The following SMYD3 variants were observed in gnomAD, a reference collection of about 807,000 sequenced individuals.
SMYD3 encodes the protein SET and MYND domain containing 3.
SMYD3 carries 36 observed loss-of-function variants against 57.7 expected under a neutral mutation model. The observed-to-expected ratio is 0.62, with a 90% confidence interval of 0.48 to 0.82. The LOEUF (loss-of-function observed/expected upper bound fraction) is 0.82. Among genes scored for constraint, SMYD3 ranks in the 40% least tolerant of loss-of-function variants. SMYD3 has a pLI of 0.00. For missense variants in SMYD3, 515 were observed against 538.8 expected (o/e 0.96, Z 0.44); for synonymous variants, 211 against 195.0 (o/e 1.08, Z -0.68).
chr1:245,885,029 CG>C (rs1553350822), intron 8 of SMYD3, among the ~76,000 whole-genome samples: 22 of 152,166 alleles, frequency 1.4e-4, no homozygotes, highest in African/African-American at 3.1e-4. Context: ...ACACTCAATG[CG>C]AAGGTCTGCG....
intron 10 of SMYD3, among the ~76,000 whole-genome samples, chr1:245,818,891 A>G (rs1447612142): frequency 8.7e-5 from 12 of 137,486 alleles, no homozygotes; most frequent in African/African-American, 2.6e-4. Context: ...CAGATTCATA[A>G]AGCAAGTCCT....
intron 5 of SMYD3, among the ~76,000 whole-genome samples, chr1:246,184,508 G>C (rs1397898363): frequency 6.6e-6 from 1 of 152,190 alleles, no homozygotes; most frequent in Non-Finnish European, 1.5e-5. Flanking sequence ...GTGACTTCTT[G>C]CTTCTAACAA....
chr1:246,284,658 C>A (rs1191935397), intron 5 of SMYD3, among the ~76,000 whole-genome samples: 1 of 152,030 alleles, frequency 6.6e-6, no homozygotes, highest in Admixed American at 6.5e-5. Flanking sequence ...CCTCGTGATC[C>A]GCCCACCTCA....
intron 11 of SMYD3, among the ~76,000 whole-genome samples, chr1:245,750,554 A>C (rs1008540370): frequency 2.6e-5 from 4 of 152,230 alleles, no homozygotes; most frequent in African/African-American, 9.6e-5. Flanking sequence ...AGCCATTCTT[A>C]TGCTGTGTGC....
intron 5 of SMYD3, among the ~76,000 whole-genome samples, chr1:246,261,259 G>A (rs542636442): frequency 2.0e-4 from 30 of 150,982 alleles, no homozygotes; most frequent in Admixed American, 5.9e-4. Flanking sequence ...GGGTTTCACC[G>A]TGTTAGCCAG....
chr1:245,989,112 T>A (rs1228886583), intron 5 of SMYD3, among the ~76,000 whole-genome samples: 1 of 152,256 alleles, frequency 6.6e-6, no homozygotes, highest in Non-Finnish European at 1.5e-5. Flanking sequence ...TCTAACTTCA[T>A]GATTCCATGA....
At chr1:246,083,752 A>G (rs559024334) in intron 5 of SMYD3, among the ~76,000 whole-genome samples, 2 of 152,182 alleles carry the variant, frequency 1.3e-5, no homozygotes, top group Non-Finnish European at 2.9e-5. Flanking sequence ...CAGGTAAGTC[A>G]AAACTATGAG....
intron 5 of SMYD3, among the ~76,000 whole-genome samples, chr1:246,021,723 C>T (rs1199962005): frequency 6.6e-6 from 1 of 152,118 alleles, no homozygotes; most frequent in East Asian, 1.9e-4. Context: ...GCTTTCTCAG[C>T]AATACAGGCA....
chr1:245,940,599 AAGC>A (rs1395530528), intron 5 of SMYD3, among the ~76,000 whole-genome samples: 2 of 152,094 alleles, frequency 1.3e-5, no homozygotes, highest in Admixed American at 1.3e-4. Context: ...AAAAAACAGA[AAGC>A]ACCACTACCA....
At chr1:246,499,316 T>C (rs941914407) in intron 1 of SMYD3, among the ~76,000 whole-genome samples, 7 of 151,384 alleles carry the variant, frequency 4.6e-5, no homozygotes, top group South Asian at 4.2e-4. Context: ...AAAAAGAAAA[T>C]ATAGTTTGAT....
chr1:246,057,559 T>C (rs1226950496), intron 5 of SMYD3, among the ~76,000 whole-genome samples: 2 of 152,188 alleles, frequency 1.3e-5, no homozygotes, highest in African/African-American at 2.4e-5. Flanking sequence ...AAGATACCAC[T>C]ACGCACATAT....
chr1:246,100,058 T>C (rs1411230174), intron 5 of SMYD3, among the ~76,000 whole-genome samples: 1 of 152,152 alleles, frequency 6.6e-6, no homozygotes, highest in Non-Finnish European at 1.5e-5. Flanking sequence ...AATACATAGA[T>C]TGGGAAGACA....
intron 5 of SMYD3, among the ~76,000 whole-genome samples, chr1:245,956,253 T>C (rs1245060838): frequency 1.3e-5 from 2 of 152,182 alleles, no homozygotes; most frequent in African/African-American, 4.8e-5. Flanking sequence ...TACTAATGTA[T>C]ATGGCACATA....
At chr1:245,749,759 C>T in intron 11 of SMYD3, 95 bp from the exon 12 acceptor site, 1 of 897,592 alleles carries the variant, frequency 1.1e-6, no homozygotes. Flanking sequence ...GCCTGGTGAA[C>T]CCCACAGGTT....
At chr1:246,242,040 G>T (rs2063621893) in intron 5 of SMYD3, among the ~76,000 whole-genome samples, 1 of 151,842 alleles carries the variant, frequency 6.6e-6, no homozygotes, top group Non-Finnish European at 1.5e-5. Context: ...CAAAAAACCG[G>T]CTCCTGGATT....
intron 1 of SMYD3, among the ~76,000 whole-genome samples, chr1:246,371,595 A>T (rs1264805063): frequency 6.6e-6 from 1 of 152,250 alleles, no homozygotes; most frequent in East Asian, 1.9e-4. Context: ...ATACATTTTT[A>T]AAAAGTACCA....
rs79679136 is a variant in SMYD3 at position 246,185,936 on chromosome 1, C to T, written c.531+141265G>A. 3.1e-4 allele frequency among the ~76,000 whole-genome samples: 47 copies of T among 152,130 alleles called. 1 individual carries two copies. The East Asian group carries it at 4.4e-3, about 14-fold the overall frequency. ...ATATTAACAAACTTAGGACAGTGGA[C>T]CTTGGGCTTACAGAATATTAAATTG... On this transcript the variant is annotated intron_variant, in intron 5 of 11. Transcript: ENST00000490107.
At chr1:246,242,099 T>G (rs1483570365) in intron 5 of SMYD3, among the ~76,000 whole-genome samples, 6 of 152,052 alleles carry the variant, frequency 3.9e-5, no homozygotes, top group Non-Finnish European at 5.9e-5. Context: ...CTTCAGTTCT[T>G]CTCTGATCTT....
At chr1:245,964,287 C>T (rs2058085410) in intron 5 of SMYD3, among the ~76,000 whole-genome samples, 1 of 152,190 alleles carries the variant, frequency 6.6e-6, no homozygotes. Flanking sequence ...CCCACCAGGC[C>T]CCACCTCCAA....
Sources: allele counts gnomAD v4.1 joint callset (sites outside exome capture counted in the v4.1 genomes callset), GRCh38; gene constraint gnomAD v4.1.1; transcripts MANE v1.5; gene names NCBI Gene and HGNC (gene_info 2026-07-23, HGNC 2026-07-21).